SEM1: variants seen among roughly 807,000 people sequenced by gnomAD.
SEM1 encodes the protein SEM1 26S proteasome subunit.
SEM1 carries 3 observed loss-of-function variants against 12.7 expected under a neutral mutation model. The ratio of observed to expected loss-of-function variants is 0.24; its 90% CI spans 0.11 to 0.61. The LOEUF (loss-of-function observed/expected upper bound fraction) is 0.61. SEM1 is among the 20% of genes least tolerant of loss of function. The pLI is 0.88. For synonymous variants in SEM1, 30 were observed against 27.8 expected (o/e 1.08, Z -0.25); for missense variants, 59 against 81.3 (o/e 0.73, Z 1.06).
At chr7:96,581,007 C>T (rs1806381369) in intron 2 of SEM1, among the ~76,000 whole-genome samples, 1 of 152,146 alleles carries the variant, frequency 6.6e-6, no homozygotes, top group Non-Finnish European at 1.5e-5. Flanking sequence ...TCTTTTGTTG[C>T]CATTGCTTTT....
intron 2 of SEM1, among the ~76,000 whole-genome samples, chr7:96,606,016 C>T (rs1435406606): frequency 6.6e-6 from 1 of 152,090 alleles, no homozygotes; most frequent in Non-Finnish European, 1.5e-5. Context: ...TATTGCAGGG[C>T]TTGTGTTCAA....
intron 2 of SEM1, among the ~76,000 whole-genome samples, chr7:96,652,695 C>T (rs1438132601): frequency 1.3e-5 from 2 of 152,014 alleles, no homozygotes; most frequent in African/African-American, 4.8e-5. Context: ...AGTTATGTTT[C>T]CCAAAGAATG....
intron 2 of SEM1, among the ~76,000 whole-genome samples, chr7:96,588,866 A>G (rs1181486123): frequency 2.0e-5 from 3 of 152,238 alleles, no homozygotes; most frequent in Admixed American, 6.5e-5. Flanking sequence ...TGAAATGTGT[A>G]AAATTCTAAT....
rs191482179 is a variant in SEM1 at position 96,585,691 on chromosome 7, C to T, written c.171-78993G>A. Among the ~76,000 whole-genome samples the T allele has an allele frequency of 5.0e-3, 762 of 152,252 alleles. 8 individuals are homozygous for T. The highest frequency in any genetic ancestry group is 0.017 in the African/African-American group (719 of 41,550). ...CTGATGCGCTGTTTTTTAAGCCCGT[C>T]GGAAAAGTGCAGTATTCGGGTGGGA... is the stretch of plus-strand genomic sequence containing the variant. On this transcript the variant is annotated intron_variant and NMD_transcript_variant, in intron 2 of 3. Coordinates refer to the SEM1 transcript ENST00000466986.
At chr7:96,634,200 C>T (rs764571351) in intron 2 of SEM1, among the ~76,000 whole-genome samples, 34 of 152,052 alleles carry the variant, frequency 2.2e-4, no homozygotes, top group East Asian at 1.4e-3. Flanking sequence ...AACAAACAGG[C>T]GATACTAGCC....
chr7:96,571,556 G>T (rs1397433635), intron 2 of SEM1, among the ~76,000 whole-genome samples: 2 of 150,718 alleles, frequency 1.3e-5, no homozygotes, highest in Non-Finnish European at 3.0e-5. Flanking sequence ...CTGTGTGTGT[G>T]TATATATATG....
intron 2 of SEM1, among the ~76,000 whole-genome samples, chr7:96,594,462 T>A (rs1806934643): frequency 6.6e-6 from 1 of 152,178 alleles, no homozygotes; most frequent in African/African-American, 2.4e-5. Flanking sequence ...TGAATGACTA[T>A]GTCTTTGGCA....
intron 2 of SEM1, among the ~76,000 whole-genome samples, chr7:96,651,832 C>T (rs1808998857): frequency 6.6e-6 from 1 of 152,182 alleles, no homozygotes; most frequent in South Asian, 2.1e-4. Flanking sequence ...CTTGGCCTCC[C>T]AAAGTACTGG....
chr7:96,543,922 G>A (rs1805028487), intron 2 of SEM1, among the ~76,000 whole-genome samples: 1 of 151,970 alleles, frequency 6.6e-6, no homozygotes, highest in South Asian at 2.1e-4. Flanking sequence ...ATTCACACTG[G>A]GCCCCATGCT....
chr7:96,633,527 A>T (rs1808336564), intron 2 of SEM1, among the ~76,000 whole-genome samples: 1 of 152,168 alleles, frequency 6.6e-6, no homozygotes, highest in Admixed American at 6.6e-5. Context: ...ATATTATAAC[A>T]TTCCTGGGAT....
intron 2 of SEM1, among the ~76,000 whole-genome samples, chr7:96,555,222 G>T (rs908353035): frequency 6.6e-6 from 1 of 151,788 alleles, no homozygotes; most frequent in African/African-American, 2.4e-5. Flanking sequence ...GTTATTTCTT[G>T]CCTTCTGCTA....
At chr7:96,656,787 C>T (rs1322972638) in intron 2 of SEM1, among the ~76,000 whole-genome samples, 1 of 151,710 alleles carries the variant, frequency 6.6e-6, no homozygotes, top group South Asian at 2.1e-4. Context: ...TTAGCATATA[C>T]ACTCTCCAAC....
chr7:96,668,556 T>TATGCAAAGTGA (rs1185007262), downstream of SEM1, among the ~76,000 whole-genome samples: 1 of 152,214 alleles, frequency 6.6e-6, no homozygotes, highest in Non-Finnish European at 1.5e-5. Flanking sequence ...ATACATTAGA[T>TATGCAAAGTGA]ATAACAGATT....
At chr7:96,639,127 C>T (rs1808515617) in intron 2 of SEM1, among the ~76,000 whole-genome samples, 1 of 151,986 alleles carries the variant, frequency 6.6e-6, no homozygotes, top group Non-Finnish European at 1.5e-5. Context: ...TAATATACTG[C>T]AGAGTTATCT....
chr7:96,655,101 AG>A (rs1440210097), intron 2 of SEM1, among the ~76,000 whole-genome samples: 1 of 152,200 alleles, frequency 6.6e-6, no homozygotes, highest in East Asian at 1.9e-4. Flanking sequence ...GCCAGCCAGC[AG>A]GGGGTTAATT....
chr7:96,662,282 T>C (rs1055667792), intron 2 of SEM1, among the ~76,000 whole-genome samples: 3 of 152,046 alleles, frequency 2.0e-5, no homozygotes, highest in Non-Finnish European at 4.4e-5. Flanking sequence ...CAAATGACCA[T>C]CAATGACAGA....
intron 2 of SEM1, among the ~76,000 whole-genome samples, chr7:96,517,673 T>C (rs932798183): frequency 6.6e-6 from 1 of 152,132 alleles, no homozygotes; most frequent in Non-Finnish European, 1.5e-5. Flanking sequence ...TTAACATAAA[T>C]ATTTGTATGC....
chr7:96,515,902 G>C (rs1353515216), intron 2 of SEM1, among the ~76,000 whole-genome samples: 1 of 152,102 alleles, frequency 6.6e-6, no homozygotes, highest in Non-Finnish European at 1.5e-5. Context: ...GGGAGGGATA[G>C]CATTAGGAGA....
At chr7:96,669,040 A>C (rs1319676519), downstream of SEM1, among the ~76,000 whole-genome samples, 8 of 152,148 alleles carry the variant, frequency 5.3e-5, 1 homozygote, top group Admixed American at 4.6e-4. Flanking sequence ...TTTCAGAGGG[A>C]GCATGGCCCT....
Sources: gnomAD v4.1 joint callset for allele counts (sites outside exome capture counted in the v4.1 genomes callset) on GRCh38, gnomAD v4.1.1 for gene constraint, MANE v1.5 for transcripts, NCBI Gene and HGNC (gene_info 2026-07-23, HGNC 2026-07-21) for gene names.